KDM4B: variants seen among roughly 807,000 people sequenced by gnomAD.
The protein encoded by KDM4B is lysine demethylase 4B.
In KDM4B, 32 loss-of-function variants were observed where a neutral mutation model predicts 125.2. The observed-to-expected ratio is 0.26, with a 90% CI of 0.19 to 0.34. The LOEUF is 0.34. Among genes scored for constraint, KDM4B ranks in the 10% least tolerant of loss-of-function variants. The probability of loss-of-function intolerance (pLI) is 1.00; values close to 1 mark genes in which losing one functional copy is unlikely to be tolerated. For synonymous variants in KDM4B, 721 were observed against 677.9 expected, an observed-to-expected ratio of 1.06 and a Z score of -0.99; for missense variants, 1,190 against 1,577.7, an observed-to-expected ratio of 0.75 and a Z score of 4.16.
rs538110786 is a variant in KDM4B at position 5,146,244 on chromosome 19, C to G, written c.3021+1342C>G. Among the ~76,000 whole-genome samples, 10 of 151,140 alleles carry G rather than the reference C, an allele frequency of 6.6e-5. No homozygotes were observed. In the South Asian group the frequency reaches 1.7e-3, roughly 25 times the overall value. On this transcript the variant is annotated intron_variant, in intron 21 of 22. Transcript: ENST00000159111. ...GTCACTGAGCATCCAGGACCCCCCC[C>G]GCTCCGCCGTGCAGGCCGGCCCCGC...
At chr19:5,007,014 G>C (rs1431336924) in intron 1 of KDM4B, among the ~76,000 whole-genome samples, 1 of 152,182 alleles carries the variant, frequency 6.6e-6, no homozygotes, top group Non-Finnish European at 1.5e-5. Context: ...GGCGGGGCGG[G>C]GGTGGTGAGG....
intron 5 of KDM4B, among the ~76,000 whole-genome samples, chr19:5,043,274 C>T (rs1344756317): frequency 1.2e-4 from 14 of 113,092 alleles, no homozygotes; most frequent in Non-Finnish European, 1.5e-4. Flanking sequence ...CTGTGTTTAT[C>T]GGAGTGGGGG....
At chr19:5,033,664 G>A (rs541639331) in intron 3 of KDM4B, among the ~76,000 whole-genome samples, 3 of 152,198 alleles carry the variant, frequency 2.0e-5, no homozygotes, top group Non-Finnish European at 4.4e-5. Context: ...GGGCGACAGC[G>A]CAGGTACATA....
intron 2 of KDM4B, among the ~76,000 whole-genome samples, chr19:5,022,846 T>C (rs67614507): frequency 0.22 from 33,425 of 149,564 alleles, 4,099 homozygotes; most frequent in Middle Eastern, 0.4. Flanking sequence ...TGGAGGGATG[T>C]GGGGGTTGGT....
intron 8 of KDM4B, chr19:5,079,101 T>C (rs866854786): frequency 6.6e-6 from 1 of 152,214 alleles, no homozygotes; most frequent in African/African-American, 2.4e-5. Flanking sequence ...GTAATGGTAT[T>C]TACTTCTAGG....
intron 11 of KDM4B, among the ~76,000 whole-genome samples, chr19:5,122,924 G>A (rs939293335): frequency 2.0e-5 from 3 of 152,236 alleles, no homozygotes; most frequent in African/African-American, 4.8e-5. Flanking sequence ...GCGTGAGTCC[G>A]GCTGCATTGG....
chr19:5,078,896 C>T lies in KDM4B; in HGVS notation c.780+1426C>T, dbSNP rs1380710460. The T allele has an allele frequency of 6.6e-6, 1 of 152,206 alleles. No individual in the cohort carries two copies. Among genetic ancestry groups the T allele is most frequent in the African/African-American group, 2.4e-5 (1 of 41,446 alleles). The allele number at this position is 152,206 out of a possible 1,614,324, so 9.4% of individuals were successfully genotyped here. On this transcript the variant is annotated intron_variant, in intron 8 of 22. Coordinates refer to ENST00000159111, the MANE Select transcript of KDM4B (RefSeq NM_015015.3). This position sits in a 1 kb window ranked among gnomAD's most constrained non-coding sequence, Gnocchi z 4.5. The stretch of plus-strand genomic sequence containing the variant: ...GGCCGGGCGCCAGTTTCTCCAGAGG[C>T]TGCCACAGTGAAGGCCCCTGTCCCA...
At chr19:5,040,075 C>G (rs1442508868) in intron 4 of KDM4B, 64 bp downstream of exon 4, 2 of 1,499,316 alleles carry the variant, frequency 1.3e-6, no homozygotes, top group African/African-American at 2.8e-5. Context: ...TCATGGGGGC[C>G]CTGGGGGCAG....
At chr19:5,108,948 C>G (rs1182928397) in intron 9 of KDM4B, among the ~76,000 whole-genome samples, 1 of 152,208 alleles carries the variant, frequency 6.6e-6, no homozygotes, top group Admixed American at 6.5e-5. Context: ...TGGCCCTCCC[C>G]CATGCCTGTG....
At position 5,142,137 on chromosome 19, in the gene KDM4B, C is replaced by T. The variant is rs375120778; in HGVS notation, c.2551-1830C>T. 5.9e-5 allele frequency among the ~76,000 whole-genome samples: 9 copies of T among 152,288 alleles called. No individual in the cohort carries two copies. The East Asian group carries it at 9.7e-4, about 16-fold the overall frequency. ...GCAGACCTCTGAAGCCCACCCGCGT[C>T]GTCCTCACAGCCCTGTGGCCTCCGA... On this transcript the variant is annotated intron_variant, in intron 18 of 22. Coordinates refer to ENST00000159111, the MANE Select transcript of KDM4B (RefSeq NM_015015.3). The surrounding 1 kb of genome is among the most constrained non-coding windows in gnomAD (Gnocchi z 5.4).
chr19:5,128,592 T>G (rs964108294), intron 11 of KDM4B, among the ~76,000 whole-genome samples: 1 of 152,166 alleles, frequency 6.6e-6, no homozygotes, highest in African/African-American at 2.4e-5. Flanking sequence ...CGCAGGACAG[T>G]GGCTTTCCTG....
chr19:4,988,315 T>A (rs1052606794), intron 1 of KDM4B, among the ~76,000 whole-genome samples: 1 of 152,078 alleles, frequency 6.6e-6, no homozygotes, highest in African/African-American at 2.4e-5. Context: ...TTGTTGTGTT[T>A]CCCAGGCTGG....
intron 11 of KDM4B, among the ~76,000 whole-genome samples, chr19:5,124,982 C>T (rs2039424825): frequency 6.6e-6 from 1 of 152,088 alleles, no homozygotes; most frequent in Non-Finnish European, 1.5e-5. Flanking sequence ...TCACTGCAGC[C>T]TTGGTTTCCT....
intron 9 of KDM4B, among the ~76,000 whole-genome samples, chr19:5,105,861 A>G (rs1461993482): frequency 6.6e-6 from 1 of 152,232 alleles, no homozygotes; most frequent in Admixed American, 6.5e-5. Flanking sequence ...TACATAAATG[A>G]ATGGGCCTGG....
intron 5 of KDM4B, among the ~76,000 whole-genome samples, chr19:5,041,754 G>A (rs543460858): frequency 6.6e-6 from 1 of 152,320 alleles, no homozygotes; most frequent in South Asian, 2.1e-4. Flanking sequence ...GCAGCTGGCC[G>A]GCATCCCCAG....
intron 21 of KDM4B, 138 bp downstream of exon 21, chr19:5,145,040 G>A: frequency 3.7e-6 from 4 of 1,090,340 alleles, no homozygotes; most frequent in East Asian, 2.7e-5. Context: ...AGTGAGGCCC[G>A]CAGGACCCAG....
intron 9 of KDM4B, among the ~76,000 whole-genome samples, chr19:5,101,244 T>TAA (rs1568298215): frequency 4.0e-5 from 6 of 148,958 alleles, no homozygotes; most frequent in Non-Finnish European, 7.4e-5. Context: ...AAAAAAAATC[T>TAA]TCTCTGTCCT....
chr19:5,085,991 G>C (rs746817344), intron 9 of KDM4B, among the ~76,000 whole-genome samples: 2 of 152,174 alleles, frequency 1.3e-5, no homozygotes, highest in Admixed American at 1.3e-4. Context: ...CCAGATTGGA[G>C]AGAAGGGGCA....
Position 5,032,315 on chromosome 19 carries a change from C to T in KDM4B, c.-25-551C>T, listed in dbSNP as rs140948747. 8.7e-4 allele frequency among the ~76,000 whole-genome samples: 132 copies of T among 152,344 alleles called. 2 individuals carry two copies. The East Asian group carries it at 0.021, about 24-fold the overall frequency. ...AGGAAATGAGCCGTCTTGGGCGGGC[C>T]TGCTGCTCTCCTGGGTCAAGGTTCC... is the stretch of plus-strand genomic sequence containing the variant. On this transcript the variant is annotated intron_variant, in intron 2 of 22. Transcript: ENST00000159111.
Sources: gnomAD v4.1 joint callset for allele counts (sites outside exome capture counted in the v4.1 genomes callset) on GRCh38, gnomAD v4.1.1 for gene constraint, Gnocchi (gnomAD v3.1) non-coding constraint, MANE v1.5 for transcripts, NCBI Gene and HGNC (gene_info 2026-07-23, HGNC 2026-07-21) for gene names.